The following IMPG1 variants were observed in gnomAD, a reference collection of about 807,000 sequenced individuals.
The protein encoded by IMPG1 is interphotoreceptor matrix proteoglycan of 150 kDa.
IMPG1 carries 85 observed loss-of-function variants against 92.0 expected under a neutral mutation model. The ratio of observed to expected loss-of-function variants is 0.92; its 90% confidence interval spans 0.78 to 1.11. IMPG1 has a LOEUF of 1.11. Ranked by LOEUF, IMPG1 falls within the 50% of genes least tolerant of loss-of-function variation. The probability of loss-of-function intolerance (pLI) is 0.00; values close to 1 mark genes in which losing one functional copy is unlikely to be tolerated. For missense variants in IMPG1, 1,022 were observed against 956.0 expected (o/e 1.07, Z -0.91); for synonymous variants, 367 against 334.1 (o/e 1.10, Z -1.08).
At chr6:75,989,616 G>A (rs1782781943) in intron 12 of IMPG1, among the ~76,000 whole-genome samples, 1 of 152,192 alleles carries the variant, frequency 6.6e-6, no homozygotes, top group South Asian at 2.1e-4. Flanking sequence ...ACTGAGGTGG[G>A]CAGATCACTT....
chr6:76,059,837 A>T (rs1019133751), intron 1 of IMPG1, among the ~76,000 whole-genome samples: 3 of 152,182 alleles, frequency 2.0e-5, no homozygotes, highest in African/African-American at 7.2e-5. Context: ...CTGTCCGCAA[A>T]GTGTTTTGAT....
chr6:76,010,948 G>C (rs1055291452), intron 8 of IMPG1, among the ~76,000 whole-genome samples: 2 of 152,206 alleles, frequency 1.3e-5, no homozygotes, highest in African/African-American at 2.4e-5. Context: ...ATTCCCAGAA[G>C]AAGGAAGGAA....
intron 12 of IMPG1, among the ~76,000 whole-genome samples, chr6:75,995,129 G>A (rs1782874942): frequency 6.6e-6 from 1 of 152,042 alleles, no homozygotes; most frequent in African/African-American, 2.4e-5. Flanking sequence ...ATTTATGTTG[G>A]TTTTAATTTT....
chr6:76,033,468 G>T (rs1783685757), intron 4 of IMPG1, among the ~76,000 whole-genome samples: 2 of 152,152 alleles, frequency 1.3e-5, no homozygotes, highest in African/African-American at 2.4e-5. Flanking sequence ...TGTAATAAAA[G>T]GAATATTTCA....
chr6:76,003,766 C>G (rs1783041662), intron 11 of IMPG1, 108 bp downstream of exon 11: 1 of 746,028 alleles, frequency 1.3e-6, no homozygotes, highest in Non-Finnish European at 2.2e-6. Flanking sequence ...ATTTAATTAG[C>G]ATTGCAAAGG....
At chr6:76,030,732 C>T (rs990990514) in intron 4 of IMPG1, among the ~76,000 whole-genome samples, 1 of 152,208 alleles carries the variant, frequency 6.6e-6, no homozygotes, top group African/African-American at 2.4e-5. Context: ...GAAGCTCTGA[C>T]TGCTTTTCCC....
chr6:76,061,237 AC>A (rs1784199880), intron 1 of IMPG1, among the ~76,000 whole-genome samples: 1 of 152,246 alleles, frequency 6.6e-6, no homozygotes, highest in Admixed American at 6.5e-5. Flanking sequence ...GTGTGCTGCC[AC>A]AGATTGTTCA....
chr6:76,025,121 G>T, intron 5 of IMPG1, 73 bp downstream of exon 5: 1 of 865,714 alleles, frequency 1.2e-6, no homozygotes, highest in Non-Finnish European at 1.9e-6. Context: ...ATTAGGAATT[G>T]TTTTATAAAT....
intron 14 of IMPG1, among the ~76,000 whole-genome samples, chr6:75,943,360 C>A (rs569048073): frequency 2.6e-4 from 39 of 152,210 alleles, no homozygotes; most frequent in African/African-American, 9.4e-4. Context: ...AGATTAATGT[C>A]CTCCCTGGGA....
At chr6:75,984,244 A>G (rs962313754) in intron 12 of IMPG1, among the ~76,000 whole-genome samples, 1 of 152,248 alleles carries the variant, frequency 6.6e-6, no homozygotes, top group Non-Finnish European at 1.5e-5. Context: ...TACAATCAAT[A>G]TGTTGAAAAG....
chr6:76,006,643 T>TA (rs927271190), intron 9 of IMPG1, among the ~76,000 whole-genome samples: 1 of 151,716 alleles, frequency 6.6e-6, no homozygotes, highest in African/African-American at 2.4e-5. Flanking sequence ...ATTTTTTAAT[T>TA]AAAAAAATAC....
intron 12 of IMPG1, among the ~76,000 whole-genome samples, chr6:75,975,749 A>G (rs1423296559): frequency 6.6e-6 from 1 of 152,142 alleles, no homozygotes; most frequent in East Asian, 1.9e-4. Context: ...TTTTTCTGAC[A>G]AGGGCCAAAC....
In IMPG1 at chr6:75,947,479, T is replaced by TCACACAC. The variant is rs780784630; in HGVS notation, c.1878_1879insGTGTGTG (p.Asn627ValfsTer13). 1.9e-6 allele frequency: 3 copies of TCACACAC among 1,613,766 alleles called. No individual in the cohort carries two copies. The African/African-American group carries it at 4.0e-5, about 22-fold the overall frequency. On this transcript the variant is annotated frameshift_variant, in exon 14 of 17. Transcript: ENST00000369950. LOFTEE classifies it high-confidence loss of function. ...ACAATCACACTCCCGTTTCTGAAGT[T>TCACACAC]AAGTATTTCAAGTTGCTTAAATCCT...
At chr6:75,959,999 G>A (rs939971583) in intron 12 of IMPG1, among the ~76,000 whole-genome samples, 2 of 152,188 alleles carry the variant, frequency 1.3e-5, no homozygotes. Flanking sequence ...GGTGGTGTAG[G>A]CACCTGAGGA....
chr6:75,969,731 AAAACAAACAAAC>A (rs56113426), intron 12 of IMPG1, among the ~76,000 whole-genome samples: 17 of 151,770 alleles, frequency 1.1e-4, no homozygotes, highest in South Asian at 8.4e-4. Context: ...TCCATCTCAA[AAAACAAACAAAC>A]AAACAAACAA....
At chr6:75,927,413 T>C (rs1781574300) in intron 15 of IMPG1, among the ~76,000 whole-genome samples, 1 of 152,132 alleles carries the variant, frequency 6.6e-6, no homozygotes, top group Admixed American at 6.5e-5. Flanking sequence ...ATTTGTCAGC[T>C]AATCCTTATA....
chr6:76,023,438 T>C (rs548971556), intron 5 of IMPG1, among the ~76,000 whole-genome samples: 1 of 152,340 alleles, frequency 6.6e-6, no homozygotes, highest in East Asian at 1.9e-4. Context: ...CCTTCCATTT[T>C]ATTGCCTTGA....
intron 14 of IMPG1, among the ~76,000 whole-genome samples, chr6:75,941,550 C>T (rs191581454): frequency 2.8e-4 from 43 of 152,230 alleles, no homozygotes; most frequent in Admixed American, 9.8e-4. Flanking sequence ...GCTTTCAATG[C>T]CTAAAATATT....
chr6:76,038,480 C>G (rs921806623), intron 2 of IMPG1, among the ~76,000 whole-genome samples: 1 of 152,114 alleles, frequency 6.6e-6, no homozygotes, highest in African/African-American at 2.4e-5. Flanking sequence ...GGCATAGACT[C>G]TTTCCATGAT....
Sources: gnomAD v4.1 joint callset for allele counts (sites outside exome capture counted in the v4.1 genomes callset) on GRCh38, gnomAD v4.1.1 for gene constraint, MANE v1.5 for transcripts, NCBI Gene and HGNC (gene_info 2026-07-23, HGNC 2026-07-21) for gene names.